TMOD3: variants seen among roughly 807,000 people sequenced by gnomAD.
TMOD3 encodes tropomodulin-3.
Under a neutral mutation model 39.2 loss-of-function variants are expected in TMOD3, and 20 were observed. The ratio of observed to expected loss-of-function variants is 0.51; its 90% CI spans 0.36 to 0.74. The LOEUF (loss-of-function observed/expected upper bound fraction) is 0.74. Ranked by LOEUF, TMOD3 falls within the 30% of genes least tolerant of loss-of-function variation. The pLI is 0.00. For missense variants in TMOD3, 381 were observed against 412.8 expected, an observed-to-expected ratio of 0.92 and a Z score of 0.67; for synonymous variants, 143 against 145.8, an observed-to-expected ratio of 0.98 and a Z score of 0.14.
At chr15:51,846,808 A>G (rs2052708) in intron 1 of TMOD3, among the ~76,000 whole-genome samples, 56,015 of 151,974 alleles carry the variant, frequency 0.37, 10,662 homozygotes, top group Middle Eastern at 0.43. Context: ...TCTTTTTTTT[A>G]AAGATATTTT....
At chr15:51,857,621 T>C (rs1253187283) in intron 1 of TMOD3, among the ~76,000 whole-genome samples, 3 of 152,182 alleles carry the variant, frequency 2.0e-5, no homozygotes, top group Non-Finnish European at 4.4e-5. Context: ...TTCTTGAAAG[T>C]AAAGTAAGGG....
At chr15:51,902,059 TTTCTGAG>T in intron 9 of TMOD3, 23 bp downstream of exon 9, 1 of 1,610,402 alleles carries the variant, frequency 6.2e-7, no homozygotes, top group Non-Finnish European at 8.5e-7. Flanking sequence ...ATCGATCAAG[TTTCTGAG>T]TTCTATCACA....
At chr15:51,856,584 C>A (rs2056388754) in intron 1 of TMOD3, among the ~76,000 whole-genome samples, 1 of 145,202 alleles carries the variant, frequency 6.9e-6, no homozygotes. Context: ...TACATATAAC[C>A]AACAAAGAAT....
chr15:51,852,879 A>G (rs943284875), intron 1 of TMOD3, among the ~76,000 whole-genome samples: 1 of 152,230 alleles, frequency 6.6e-6, no homozygotes, highest in Non-Finnish European at 1.5e-5. Context: ...CCAATACAGC[A>G]TAATTGTTGG....
chr15:51,900,377 T>C (rs1247355234), intron 8 of TMOD3, 79 bp downstream of exon 8: 1 of 1,534,362 alleles, frequency 6.5e-7, no homozygotes, highest in Admixed American at 2.0e-5. Flanking sequence ...AGGATGGGGA[T>C]GGGAGGCGGG....
chr15:51,896,489 G>C lies in TMOD3; in HGVS notation c.698G>C (p.Ser233Thr). 1 of 1,613,814 alleles carries C rather than the reference G, an allele frequency of 6.2e-7. No individual in the cohort carries two copies. Among genetic ancestry groups the C allele is most frequent in the Non-Finnish European group, 8.5e-7 (1 of 1,179,784 alleles). ...LETNTHVKCF[S>T]LAATRSNDPV... ...ACCAACACACATGTGAAATGTTTCAGTCTTGCAGCCACCCGGAGCAATGAC... is the reference window on the plus strand; with the variant it reads ...ACCAACACACATGTGAAATGTTTCACTCTTGCAGCCACCCGGAGCAATGAC... The change falls in exon 7 of 10, where the codon AGT becomes ACT. Residue 233 changes from serine to threonine, a missense_variant. Ser to Thr is a moderately conservative substitution (Grantham distance 58, BLOSUM62 1). Transcript: ENST00000308580.
chr15:51,866,106 C>G (rs1279471297), intron 2 of TMOD3, among the ~76,000 whole-genome samples: 1 of 151,954 alleles, frequency 6.6e-6, no homozygotes, highest in East Asian at 1.9e-4. Flanking sequence ...TCTAATGAAG[C>G]TTGGTTCATG....
intron 2 of TMOD3, among the ~76,000 whole-genome samples, chr15:51,865,833 C>T (rs2056442498): frequency 6.6e-6 from 1 of 152,036 alleles, no homozygotes. Flanking sequence ...TTTTGGAGGA[C>T]TGTTTTACTG....
chr15:51,898,728 T>C (rs2056633923), intron 7 of TMOD3, among the ~76,000 whole-genome samples: 1 of 152,226 alleles, frequency 6.6e-6, no homozygotes, highest in Non-Finnish European at 1.5e-5. Context: ...TTACCCATAT[T>C]TTCTGTAGTT....
At chr15:51,865,845 CCTT>C (rs1408821450) in intron 2 of TMOD3, among the ~76,000 whole-genome samples, 8 of 152,030 alleles carry the variant, frequency 5.3e-5, no homozygotes, top group Admixed American at 6.6e-5. Context: ...GTTTTACTGT[CCTT>C]CTGCTGTATT....
chr15:51,868,573 A>C (rs772209413), intron 2 of TMOD3, among the ~76,000 whole-genome samples: 10 of 152,222 alleles, frequency 6.6e-5, no homozygotes, highest in Non-Finnish European at 1.5e-4. Context: ...GTAAGTAAGA[A>C]GATGTGGTAT....
chr15:51,862,744 G>C (rs749282056), intron 1 of TMOD3, 67 bp from the exon 2 acceptor site: 19 of 669,432 alleles, frequency 2.8e-5, no homozygotes, highest in Non-Finnish European at 3.9e-5. Flanking sequence ...CACTTAACCT[G>C]AGAATTAGAT....
chr15:51,857,796 G>T (rs577288444), intron 1 of TMOD3, among the ~76,000 whole-genome samples: 1 of 150,496 alleles, frequency 6.6e-6, no homozygotes, highest in South Asian at 2.1e-4. Flanking sequence ...ATTATTCTTG[G>T]TACATATTTA....
rs541528591 is a variant in TMOD3, at chr15:51,910,435, G to T, written c.*1625G>T. On this transcript the variant is annotated 3_prime_UTR_variant, in exon 10 of 10. Transcript: ENST00000308580. The stretch of plus-strand genomic sequence containing the variant: ...TACTAAAAATCAAAAAAGTAGCCGG[G>T]TGTGGTGGTGCACACCTGTAATCCC... 1 of 152,368 alleles carries T rather than the reference G, an allele frequency of 6.6e-6. No homozygotes were observed. The highest frequency in any genetic ancestry group is 1.5e-5 in the Non-Finnish European group (1 of 68,226). 9.4% of individuals were successfully genotyped at this position (152,368 alleles called of 1,614,324 possible). A position where few individuals can be genotyped will look rare whatever the true frequency, so the allele number is the denominator to read the frequency against.
chr15:51,849,893 C>A (rs944499476), intron 1 of TMOD3, among the ~76,000 whole-genome samples: 2 of 151,696 alleles, frequency 1.3e-5, no homozygotes, highest in African/African-American at 4.8e-5. Context: ...GAGATCACAC[C>A]ACTGCATGTC....
At chr15:51,904,344 C>T (rs989848088) in intron 9 of TMOD3, among the ~76,000 whole-genome samples, 2 of 152,188 alleles carry the variant, frequency 1.3e-5, no homozygotes, top group Admixed American at 1.3e-4. Context: ...GGGGCCATGT[C>T]CGACTATTGA....
chr15:51,866,280 C>G (rs1193918760), intron 2 of TMOD3, among the ~76,000 whole-genome samples: 3 of 152,018 alleles, frequency 2.0e-5, no homozygotes, highest in Non-Finnish European at 4.4e-5. Context: ...CATAGCAAGA[C>G]CTTGCCTCGA....
chr15:51,861,176 A>G (rs2056416531), intron 1 of TMOD3: 16 of 472,418 alleles, frequency 3.4e-5, no homozygotes, highest in South Asian at 2.5e-4. Flanking sequence ...TGTACTGTAG[A>G]TCAGAAGCCT....
At chr15:51,908,226 A>G (rs1466367165) in intron 9 of TMOD3, among the ~76,000 whole-genome samples, 1 of 152,202 alleles carries the variant, frequency 6.6e-6, no homozygotes, top group Non-Finnish European at 1.5e-5. Flanking sequence ...TCAAAATTTA[A>G]CACACTAATT....
Sources: allele counts gnomAD v4.1 joint callset (sites outside exome capture counted in the v4.1 genomes callset), GRCh38; gene constraint gnomAD v4.1.1; transcripts MANE v1.5; gene names NCBI Gene and HGNC (gene_info 2026-07-23, HGNC 2026-07-21).